NNT: variants seen among roughly 807,000 people sequenced by gnomAD.
NNT encodes the protein NAD(P) transhydrogenase, mitochondrial.
A neutral mutation model predicts 104.8 loss-of-function variants in NNT; 50 were observed. The ratio of observed to expected loss-of-function variants is 0.48; its 90% CI spans 0.38 to 0.60. The LOEUF (loss-of-function observed/expected upper bound fraction) is 0.60, where lower values mean the gene tolerates loss of function less well. Among genes scored for constraint, NNT ranks in the 20% least tolerant of loss-of-function variants. The pLI is 0.00. For missense variants in NNT, 1,131 were observed against 1,330.7 expected, an observed-to-expected ratio of 0.85 and a Z score of 2.33; for synonymous variants, 461 against 490.4, an observed-to-expected ratio of 0.94 and a Z score of 0.79.
At chr5:43,703,083 A>G (rs369902524) in intron 21 of NNT, among the ~76,000 whole-genome samples, 12 of 152,356 alleles carry the variant, frequency 7.9e-5, no homozygotes, top group African/African-American at 2.9e-4. Context: ...GGAAGTATCA[A>G]TCGCCTTCAT....
chr5:43,625,866 A>T (rs1561272162), intron 6 of NNT, among the ~76,000 whole-genome samples: 1 of 151,620 alleles, frequency 6.6e-6, no homozygotes. Flanking sequence ...CTGCCTAGAG[A>T]TTTTTTTTAT....
intron 11 of NNT, 45 bp downstream of exon 11, chr5:43,649,353 T>C: frequency 1.2e-6 from 2 of 1,604,778 alleles, no homozygotes; most frequent in Non-Finnish European, 1.7e-6. Flanking sequence ...TTTCATAGGG[T>C]TACTCAGCTC....
intron 7 of NNT, among the ~76,000 whole-genome samples, chr5:43,630,625 T>C (rs946679046): frequency 3.3e-5 from 5 of 152,246 alleles, no homozygotes; most frequent in Non-Finnish European, 5.9e-5. Flanking sequence ...AAGAGTATTT[T>C]GTACTCAGTG....
At chr5:43,690,028 C>T (rs1742182937) in intron 19 of NNT, among the ~76,000 whole-genome samples, 1 of 151,944 alleles carries the variant, frequency 6.6e-6, no homozygotes, top group African/African-American at 2.4e-5. Flanking sequence ...TATTAAACAT[C>T]TAAAACTAAG....
Position 43,613,053 on chromosome 5 carries a change from C to T in NNT, c.297C>T (p.Ser99=). 1.2e-6 allele frequency: 2 copies of T among 1,614,132 alleles called. No individual in the cohort carries two copies. The highest frequency in any genetic ancestry group is 1.7e-6 in the Non-Finnish European group (2 of 1,180,032). The change falls in exon 3 of 22, where the codon TCC becomes TCT. Residue 99 remains serine (S), a synonymous_variant. Coordinates refer to ENST00000344920, the MANE Select transcript of NNT (RefSeq NM_182977.3). The stretch of plus-strand genomic sequence containing the variant: ...TGGAATCGGGTGCGGGCGAAGCTTC[C>T]AAGTTCTCAGATGATCACTATAGAG... ...VVVESGAGEA[S]KFSDDHYRVA...
chr5:43,650,610 C>G, intron 12 of NNT, 23 bp downstream of exon 12: 1 of 1,532,770 alleles, frequency 6.5e-7, no homozygotes, highest in East Asian at 2.3e-5. Flanking sequence ...TGAAAGGTCT[C>G]AGTACTATTT....
intron 7 of NNT, among the ~76,000 whole-genome samples, chr5:43,629,989 T>C (rs1314417828): frequency 6.6e-6 from 1 of 152,254 alleles, no homozygotes; most frequent in Admixed American, 6.5e-5. Flanking sequence ...AAGTGCCATC[T>C]ATTTGTCTTG....
chr5:43,657,273 A>G (rs1740108002), intron 16 of NNT, among the ~76,000 whole-genome samples: 1 of 152,214 alleles, frequency 6.6e-6, no homozygotes, highest in Non-Finnish European at 1.5e-5. Flanking sequence ...GCAGTTAAAA[A>G]ACCCTGTATG....
chr5:43,629,716 C>T (rs968406249), intron 7 of NNT, among the ~76,000 whole-genome samples: 7 of 152,128 alleles, frequency 4.6e-5, no homozygotes, highest in African/African-American at 1.7e-4. Context: ...TTTGCATTTC[C>T]ATGATCATTA....
chr5:43,688,878 T>C (rs1283961970), intron 19 of NNT, among the ~76,000 whole-genome samples: 2 of 152,242 alleles, frequency 1.3e-5, no homozygotes, highest in Non-Finnish European at 2.9e-5. Context: ...CTTTTTTGTA[T>C]AATGAATTCT....
In NNT at chr5:43,624,077, G is replaced by A. The variant is rs1309987154; in HGVS notation, c.733G>A (p.Ala245Thr). ...TGTTGCTGGGCTTGCTTCTGCAGGC[G>A]CAGCAAAGTCGATGGGTGCAATTGT... ...GGVAGLASAG[A>T]AKSMGAIVRG... The change falls in exon 6 of 22, where the codon GCA becomes ACA. Residue 245 changes from alanine to threonine, a missense_variant. By Grantham distance (58) the Ala-to-Thr change is moderately conservative. Transcript: ENST00000344920. The A allele has an allele frequency of 1.3e-5, 21 of 1,614,070 alleles. No homozygotes were observed. The highest frequency in any genetic ancestry group is 1.8e-5 in the Non-Finnish European group (21 of 1,180,032).
At chr5:43,661,052 A>G (rs1039914671) in intron 17 of NNT, among the ~76,000 whole-genome samples, 1 of 152,170 alleles carries the variant, frequency 6.6e-6, no homozygotes, top group Non-Finnish European at 1.5e-5. Flanking sequence ...AGTAAAAAAT[A>G]TTTTTGTTTC....
At chr5:43,630,785 C>G (rs1750633019) in intron 7 of NNT, among the ~76,000 whole-genome samples, 1 of 152,074 alleles carries the variant, frequency 6.6e-6, no homozygotes, top group East Asian at 1.9e-4. Context: ...TAATGAATAC[C>G]ATACTGACTC....
chr5:43,650,456 A>T, intron 11 of NNT, 21 bp from the exon 12 acceptor site: 3 of 1,550,908 alleles, frequency 1.9e-6, no homozygotes, highest in Non-Finnish European at 2.7e-6. Flanking sequence ...ACTATTAACC[A>T]TGTTAATGCT....
At chr5:43,669,552 T>G (rs1376610071) in intron 17 of NNT, among the ~76,000 whole-genome samples, 2 of 152,138 alleles carry the variant, frequency 1.3e-5, no homozygotes, top group African/African-American at 2.4e-5. Context: ...GTGGTTTTTG[T>G]CATTGGTTCT....
intron 19 of NNT, among the ~76,000 whole-genome samples, chr5:43,687,640 T>C (rs1742053994): frequency 6.6e-6 from 1 of 152,212 alleles, no homozygotes; most frequent in African/African-American, 2.4e-5. Context: ...CACGTGTTTT[T>C]CTCTGACTTT....
chr5:43,691,858 G>C (rs1251353148), intron 19 of NNT, among the ~76,000 whole-genome samples: 1 of 152,168 alleles, frequency 6.6e-6, no homozygotes, highest in Non-Finnish European at 1.5e-5. Context: ...CACAATCTCT[G>C]TGCCTTTCTT....
In NNT at chr5:43,679,060, G is replaced by A. The variant is rs188393278; in HGVS notation, c.2876+1254G>A. The stretch of plus-strand genomic sequence containing the variant: ...CTTAGATGAATTGAAGGTAGAAGAT[G>A]AGAAAAGTCATTGACTTTATTTTTA... On this transcript the variant is annotated intron_variant, in intron 19 of 21. Coordinates refer to ENST00000344920, the MANE Select transcript of NNT (RefSeq NM_182977.3). Among the ~76,000 whole-genome samples the A allele has an allele frequency of 6.6e-5, 10 of 152,278 alleles. No homozygotes were observed. The East Asian group carries it at 1.7e-3, about 26-fold the overall frequency.
At chr5:43,704,148 A>T in intron 21 of NNT, 107 bp from the exon 22 acceptor site, 1 of 852,178 alleles carries the variant, frequency 1.2e-6, no homozygotes, top group Non-Finnish European at 1.7e-6. Flanking sequence ...AAGAATTAGT[A>T]GTGGTACATG....
Sources: gnomAD v4.1 joint callset for allele counts (sites outside exome capture counted in the v4.1 genomes callset) on GRCh38, gnomAD v4.1.1 for gene constraint, MANE v1.5 for transcripts, NCBI Gene and HGNC (gene_info 2026-07-23, HGNC 2026-07-21) for gene names.